Variants in PRKCZ observed in about 807,000 individuals in gnomAD.
PRKCZ encodes protein kinase C zeta.
In PRKCZ, 33 loss-of-function variants were observed where a neutral mutation model predicts 79.5. The observed-to-expected ratio is 0.41, with a 90% CI of 0.31 to 0.55. The LOEUF (loss-of-function observed/expected upper bound fraction) is 0.55, where lower values mean the gene tolerates loss of function less well. PRKCZ is among the 20% of genes least tolerant of loss of function. The pLI, the probability that PRKCZ is intolerant of heterozygous loss-of-function variation, is 0.19. For missense variants in PRKCZ, 578 were observed against 813.5 expected (o/e 0.71, Z 3.52); for synonymous variants, 342 against 320.9 (o/e 1.07, Z -0.70).
chr1:2,082,981 A>G lies in PRKCZ; in HGVS notation c.334+23390A>G, dbSNP rs968506150. ...GGGCACAGGTGAAGGACAGGTGTCC[A>G]CACCTTGGGTGCCCCCGTCCTCCCT... On this transcript the variant is annotated intron_variant, in intron 4 of 17. Transcript: ENST00000378567. This position sits in a 1 kb window ranked among gnomAD's most constrained non-coding sequence, Gnocchi z 4.4. 9.9e-5 allele frequency among the ~76,000 whole-genome samples: 15 copies of G among 152,242 alleles called. No homozygotes were observed. The highest frequency in any genetic ancestry group is 3.4e-4 in the African/African-American group (14 of 41,536).
Position 2,081,820 on chromosome 1 carries a change from C to T in PRKCZ, c.334+22229C>T, listed in dbSNP as rs142467886. Among the ~76,000 whole-genome samples, 819 of 151,998 alleles carry T rather than the reference C, an allele frequency of 5.4e-3. 51 individuals are homozygous for T. In the East Asian group the frequency reaches 0.13, roughly 24 times the overall value. On this transcript the variant is annotated intron_variant, in intron 4 of 17. Transcript: ENST00000378567. ...CACGCCCCCCACACCCCACCACTGC[C>T]GCCCCGCCCCCCAGCATCCCCTTCC...
chr1:2,062,284 G>T (rs1034403220), intron 4 of PRKCZ, among the ~76,000 whole-genome samples: 1 of 151,974 alleles, frequency 6.6e-6, no homozygotes, highest in Admixed American at 6.5e-5. Flanking sequence ...CCCCACCTCC[G>T]CTCAGCCTCT....
At chr1:2,119,145 G>C (rs1671342497) in intron 4 of PRKCZ, among the ~76,000 whole-genome samples, 1 of 151,272 alleles carries the variant, frequency 6.6e-6, no homozygotes, top group African/African-American at 2.4e-5. Flanking sequence ...TCACATCCTT[G>C]GAACGTAGCA....
At chr1:2,071,723 C>G (rs904841914) in intron 4 of PRKCZ, among the ~76,000 whole-genome samples, 1 of 152,104 alleles carries the variant, frequency 6.6e-6, no homozygotes, top group Non-Finnish European at 1.5e-5. Flanking sequence ...CTGAGCCGGC[C>G]GTCTGTGTGA....
At chr1:2,151,834 A>AT (rs545880507) in intron 9 of PRKCZ, among the ~76,000 whole-genome samples, 4 of 151,296 alleles carry the variant, frequency 2.6e-5, no homozygotes, top group Non-Finnish European at 5.9e-5. Flanking sequence ...TAATTTTTGT[A>AT]TTTTTTGTAG....
At chr1:2,156,203 C>T (rs1048408326) in intron 10 of PRKCZ, 111 bp downstream of exon 10, 2 of 1,025,088 alleles carry the variant, frequency 2.0e-6, no homozygotes, top group East Asian at 2.6e-5. Context: ...CTCCCAGTTG[C>T]TGTACGGGTG....
chr1:2,169,998 A>G (rs1288272804), intron 11 of PRKCZ, among the ~76,000 whole-genome samples: 1 of 152,074 alleles, frequency 6.6e-6, no homozygotes, highest in African/African-American at 2.4e-5. Flanking sequence ...GCCTCAGACC[A>G]GTCCCCCAGG....
chr1:2,106,373 A>G (rs918792615), intron 4 of PRKCZ, among the ~76,000 whole-genome samples: 2 of 151,870 alleles, frequency 1.3e-5, no homozygotes, highest in Admixed American at 6.6e-5. Context: ...GGCAACCTGC[A>G]CTCCAGCCGA....
chr1:2,140,273 A>G lies in PRKCZ; in HGVS notation c.421-3937A>G, dbSNP rs116072618. Among the ~76,000 whole-genome samples the G allele has an allele frequency of 2.3e-3, 343 of 152,366 alleles. 1 individual carries two copies. Among genetic ancestry groups the G allele is most frequent in the African/African-American group, 7.8e-3 (325 of 41,592 alleles). Reference sequence around the variant, plus strand: ...TGGGAAGCAGGATATCCTGAGTCCAAGCTGGTAAAAGCCCAGACAGAGGCT... The same window carrying G: ...TGGGAAGCAGGATATCCTGAGTCCAGGCTGGTAAAAGCCCAGACAGAGGCT... On this transcript the variant is annotated intron_variant, in intron 5 of 17. Coordinates refer to ENST00000378567, the MANE Select transcript of PRKCZ (RefSeq NM_002744.6).
rs61775457 is a variant in PRKCZ, at chr1:2,124,242, C to T, written c.335-11020C>T. On this transcript the variant is annotated intron_variant, in intron 4 of 17. Transcript: ENST00000378567. ...AGCGTCACGGTGGTGGTTAGGGTCACGGTGGTGGTTAGGGTCATGGCGGTA... is the reference window on the plus strand; with the variant it reads ...AGCGTCACGGTGGTGGTTAGGGTCATGGTGGTGGTTAGGGTCATGGCGGTA... Among the ~76,000 whole-genome samples the T allele has an allele frequency of 8.0e-4, 5 of 6,286 alleles. 1 individual carries two copies. Among genetic ancestry groups the T allele is most frequent in the Non-Finnish European group, 1.1e-3 (4 of 3,792 alleles). 4.1% of individuals were successfully genotyped at this position (6,286 alleles called of 152,430 possible). A position where few individuals can be genotyped will look rare whatever the true frequency, so the allele number is the denominator to read the frequency against.
At chr1:2,064,714 C>CT (rs1378568449) in intron 4 of PRKCZ, among the ~76,000 whole-genome samples, 60 of 152,192 alleles carry the variant, frequency 3.9e-4, no homozygotes, top group African/African-American at 1.4e-3. Context: ...CCATTGGTCT[C>CT]TGTGTCTCTC....
rs1173298311 is a variant in PRKCZ at position 2,075,551 on chromosome 1, C to G, written c.334+15960C>G. On this transcript the variant is annotated intron_variant, in intron 4 of 17. Coordinates refer to ENST00000378567, the MANE Select transcript of PRKCZ (RefSeq NM_002744.6). The surrounding 1 kb of genome is among the most constrained non-coding windows in gnomAD (Gnocchi z 4.8). ...AGCTGCATCAGCCATCAGTGGGGGC[C>G]CTTCTCCGACCGTCTTCCTAGACTT... is the stretch of plus-strand genomic sequence containing the variant. Among the ~76,000 whole-genome samples the G allele has an allele frequency of 1.3e-5, 2 of 152,130 alleles. No individual in the cohort carries two copies. Among genetic ancestry groups the G allele is most frequent in the African/African-American group, 4.8e-5 (2 of 41,416 alleles).
rs139868124 is a variant in PRKCZ at position 2,176,855 on chromosome 1, C to T, written c.1575+1542C>T. 3.0e-3 allele frequency among the ~76,000 whole-genome samples: 453 copies of T among 152,360 alleles called. 1 individual carries two copies. The highest frequency in any genetic ancestry group is 0.01 in the African/African-American group (427 of 41,578). ...CAGAACGTGCCCACACCCCTTCCTA[C>T]ATACAGCCCTTCCAGAGCCCAGCTG... On this transcript the variant is annotated intron_variant, in intron 16 of 17. Coordinates refer to ENST00000378567, the MANE Select transcript of PRKCZ (RefSeq NM_002744.6).
chr1:2,074,261 C>T, intron 4 of PRKCZ: 1 of 1,550,456 alleles, frequency 6.4e-7, no homozygotes, highest in Middle Eastern at 1.7e-4. Flanking sequence ...GACATGCTCA[C>T]CCCGAGGACG....
chr1:2,081,345 A>G (rs1218888714), intron 4 of PRKCZ, among the ~76,000 whole-genome samples: 3 of 150,450 alleles, frequency 2.0e-5, no homozygotes, highest in Non-Finnish European at 3.0e-5. Context: ...ATGAGGCCAG[A>G]CACTGGGTGG....
At chr1:2,066,173 A>G (rs1194247793) in intron 4 of PRKCZ, among the ~76,000 whole-genome samples, 6 of 152,072 alleles carry the variant, frequency 3.9e-5, no homozygotes, top group Non-Finnish European at 7.4e-5. Context: ...TCTTGTCGTG[A>G]CTTTGTTGGG....
Position 2,172,506 on chromosome 1 carries a change from G to A in PRKCZ, c.1285+118G>A. ...ATCTTACACCCAAAAGCCACACACT[G>A]TCTTTCCCAGCCGGATGTCATCATC... On this transcript the variant is annotated intron_variant, in intron 13 of 17. Coordinates refer to ENST00000378567, the MANE Select transcript of PRKCZ (RefSeq NM_002744.6). The surrounding 1 kb of genome is among the most constrained non-coding windows in gnomAD (Gnocchi z 7.8). 1.8e-6 allele frequency: 2 copies of A among 1,136,244 alleles called. No homozygotes were observed. The highest frequency in any genetic ancestry group is 2.4e-6 in the Non-Finnish European group (2 of 820,122). The allele number at this position is 1,136,244 out of a possible 1,614,324, so 70.4% of individuals were successfully genotyped here. A position where few individuals can be genotyped will look rare whatever the true frequency, so the allele number is the denominator to read the frequency against.
At chr1:2,080,640 T>G (rs1488485263) in intron 4 of PRKCZ, among the ~76,000 whole-genome samples, 2 of 152,188 alleles carry the variant, frequency 1.3e-5, no homozygotes, top group African/African-American at 4.8e-5. Flanking sequence ...TCCCTCCTGG[T>G]CAGCGTAATG....
Position 2,094,398 on chromosome 1 carries a change from G to A in PRKCZ, c.334+34807G>A, listed in dbSNP as rs199757522. On this transcript the variant is annotated intron_variant, in intron 4 of 17. Coordinates refer to ENST00000378567, the MANE Select transcript of PRKCZ (RefSeq NM_002744.6). This position sits in a 1 kb window ranked among gnomAD's most constrained non-coding sequence, Gnocchi z 7.3. ...GGGCACTGCCCATTCTGAGGCGCCC[G>A]CTGTGCCCGGCTCGTTGAACCTTGG... 5.3e-5 allele frequency among the ~76,000 whole-genome samples: 8 copies of A among 150,352 alleles called. No individual in the cohort carries two copies. Among genetic ancestry groups the A allele is most frequent in the Admixed American group, 3.3e-4 (5 of 15,158 alleles).
Sources: allele counts gnomAD v4.1 joint callset (sites outside exome capture counted in the v4.1 genomes callset), GRCh38; gene constraint gnomAD v4.1.1; non-coding constraint Gnocchi (gnomAD v3.1); transcripts MANE v1.5; gene names NCBI Gene and HGNC (gene_info 2026-07-23, HGNC 2026-07-21).